Variants in GRK3 observed in about 807,000 individuals in gnomAD.
GRK3 encodes the protein G protein-coupled receptor kinase 3.
Under a neutral mutation model 95.7 loss-of-function variants are expected in GRK3, and 54 were observed. The ratio of observed to expected loss-of-function variants is 0.56; its 90% CI spans 0.45 to 0.71. The LOEUF (loss-of-function observed/expected upper bound fraction) is 0.71, where lower values mean the gene tolerates loss of function less well. Ranked by LOEUF, GRK3 falls within the 30% of genes least tolerant of loss-of-function variation. GRK3 has a pLI of 0.00. For synonymous variants in GRK3, 281 were observed against 290.8 expected, an observed-to-expected ratio of 0.97 and a Z score of 0.34; for missense variants, 649 against 851.2, an observed-to-expected ratio of 0.76 and a Z score of 2.96.
At chr22:25,681,654 A>G (rs2085075422) in intron 9 of GRK3, among the ~76,000 whole-genome samples, 1 of 152,236 alleles carries the variant, frequency 6.6e-6, no homozygotes, top group Non-Finnish European at 1.5e-5. Flanking sequence ...TCAGCCTTGC[A>G]GTTCACAAAG....
intron 9 of GRK3, among the ~76,000 whole-genome samples, chr22:25,683,657 G>A (rs2085091624): frequency 6.6e-6 from 1 of 152,028 alleles, no homozygotes; most frequent in African/African-American, 2.4e-5. Context: ...ATTAGTTTGG[G>A]GGCTATGTGG....
chr22:25,693,023 A>G (rs2085177356), intron 12 of GRK3, among the ~76,000 whole-genome samples: 1 of 152,256 alleles, frequency 6.6e-6, no homozygotes, highest in Admixed American at 6.5e-5. Flanking sequence ...GACTTAGTCC[A>G]TTTAACGAAA....
intron 3 of GRK3, among the ~76,000 whole-genome samples, chr22:25,657,882 TTTTC>T (rs2084883737): frequency 6.6e-6 from 1 of 152,102 alleles, no homozygotes; most frequent in South Asian, 2.1e-4. Context: ...CCCCAATATT[TTTTC>T]TTTCTTTTCT....
At chr22:25,722,178 G>A (rs1601552413) in intron 20 of GRK3, 111 bp from the exon 21 acceptor site, 1 of 1,210,192 alleles carries the variant, frequency 8.3e-7, no homozygotes, top group East Asian at 2.4e-5. Flanking sequence ...GGACACGTAG[G>A]GTGTGCTTCC....
chr22:25,601,696 C>T (rs540287454), intron 1 of GRK3, among the ~76,000 whole-genome samples: 1 of 152,054 alleles, frequency 6.6e-6, no homozygotes, highest in Admixed American at 6.5e-5. Flanking sequence ...GTTGAACCAA[C>T]AAAGGTGCCA....
At chr22:25,625,854 A>G (rs2084623858) in intron 2 of GRK3, among the ~76,000 whole-genome samples, 2 of 151,936 alleles carry the variant, frequency 1.3e-5, no homozygotes, top group African/African-American at 4.8e-5. Flanking sequence ...GCTGCCAGGC[A>G]GGGAAGGGCC....
At chr22:25,575,974 C>G (rs142227136) in intron 1 of GRK3, among the ~76,000 whole-genome samples, 16 of 152,312 alleles carry the variant, frequency 1.1e-4, no homozygotes, top group African/African-American at 3.8e-4. Context: ...TTATTCTCTT[C>G]CTATAGGCCT....
chr22:25,666,513 T>C (rs1453945172), intron 5 of GRK3, among the ~76,000 whole-genome samples: 1 of 152,192 alleles, frequency 6.6e-6, no homozygotes, highest in Non-Finnish European at 1.5e-5. Flanking sequence ...TTTTCGCAAC[T>C]AGCTCCAGTG....
chr22:25,647,545 A>G (rs1417625416), intron 3 of GRK3: 85 of 1,556,680 alleles, frequency 5.5e-5, no homozygotes, highest in Non-Finnish European at 7.3e-5. Flanking sequence ...TGGTGTTACT[A>G]TATTTGTGGC....
intron 17 of GRK3, among the ~76,000 whole-genome samples, chr22:25,714,138 A>C (rs1020563740): frequency 2.6e-5 from 4 of 152,234 alleles, no homozygotes; most frequent in African/African-American, 9.6e-5. Context: ...AAAACATGTC[A>C]TGAAGATAGT....
Position 25,725,801 on chromosome 22 carries a change from T to G in GRK3, c.*3351T>G. The G allele has an allele frequency of 5.4e-6, 2 of 372,538 alleles. No homozygotes were observed. Among genetic ancestry groups the G allele is most frequent in the Non-Finnish European group, 9.5e-6 (2 of 210,234 alleles). The allele number at this position is 372,538 out of a possible 1,614,324, so 23.1% of individuals were successfully genotyped here. ...CTCTACTAAAAATACAAATAAAAAT[T>G]AGCCGGGCGTGGTGGCGGGCGCCTG... On this transcript the variant is annotated 3_prime_UTR_variant, in exon 21 of 21. Transcript: ENST00000324198.
At chr22:25,568,276 C>T (rs1342294166) in intron 1 of GRK3, among the ~76,000 whole-genome samples, 5 of 151,844 alleles carry the variant, frequency 3.3e-5, no homozygotes, top group Middle Eastern at 3.2e-3. Context: ...GTGATTCAGA[C>T]GACTTTTACT....
At chr22:25,707,137 A>G (rs917584348) in intron 15 of GRK3, among the ~76,000 whole-genome samples, 9 of 152,016 alleles carry the variant, frequency 5.9e-5, no homozygotes, top group African/African-American at 1.9e-4. Flanking sequence ...GTGGGTTTAT[A>G]TCTCTGTGTT....
chr22:25,709,840 A>T, intron 15 of GRK3, 58 bp from the exon 16 acceptor site: 1 of 1,325,644 alleles, frequency 7.5e-7, no homozygotes, highest in Non-Finnish European at 1.1e-6. Context: ...AGTTTTGCAC[A>T]ATATTTATTA....
chr22:25,610,105 C>A (rs1336934523), intron 2 of GRK3, among the ~76,000 whole-genome samples: 1 of 152,136 alleles, frequency 6.6e-6, no homozygotes, highest in Non-Finnish European at 1.5e-5. Context: ...CCCACCTCGG[C>A]CTCCCAAAGT....
At chr22:25,708,610 T>G (rs2085318890) in intron 15 of GRK3, among the ~76,000 whole-genome samples, 1 of 151,538 alleles carries the variant, frequency 6.6e-6, no homozygotes, top group Admixed American at 6.6e-5. Flanking sequence ...GTCAGTGGCA[T>G]GTGCTGGGAG....
At chr22:25,685,451 C>T (rs1372494040) in intron 10 of GRK3, among the ~76,000 whole-genome samples, 1 of 152,194 alleles carries the variant, frequency 6.6e-6, no homozygotes, top group Non-Finnish European at 1.5e-5. Context: ...CTGGGCCTCC[C>T]AGTCTCTTCC....
chr22:25,574,138 A>G (rs185090066), intron 1 of GRK3, among the ~76,000 whole-genome samples: 10 of 152,328 alleles, frequency 6.6e-5, no homozygotes, highest in South Asian at 2.1e-4. Context: ...ATGTCTGGTT[A>G]TATTTTCAGG....
chr22:25,677,911 G>A (rs1241412254), intron 8 of GRK3, among the ~76,000 whole-genome samples: 1 of 152,150 alleles, frequency 6.6e-6, no homozygotes, highest in Admixed American at 6.5e-5. Flanking sequence ...TTCTAAATAT[G>A]AGTTTGTTCC....
Sources: gnomAD v4.1 joint callset for allele counts (sites outside exome capture counted in the v4.1 genomes callset) on GRCh38, gnomAD v4.1.1 for gene constraint, MANE v1.5 for transcripts, NCBI Gene and HGNC (gene_info 2026-07-23, HGNC 2026-07-21) for gene names.